NKAIN3: variants seen among roughly 807,000 people sequenced by gnomAD.
The protein encoded by NKAIN3 is sodium/potassium-transporting ATPase subunit beta-1-interacting protein 3.
In NKAIN3, 25 loss-of-function variants were observed where a neutral mutation model predicts 30.2. That is an observed-to-expected ratio of 0.83 (90% CI 0.60 to 1.16). The LOEUF (loss-of-function observed/expected upper bound fraction) is 1.16. Ranked by LOEUF, NKAIN3 falls within the 50% of genes most tolerant of loss-of-function variation. The probability of loss-of-function intolerance (pLI) is 0.00; values close to 1 mark genes in which losing one functional copy is unlikely to be tolerated. For synonymous variants in NKAIN3, 91 were observed against 89.6 expected (o/e 1.02, Z -0.09); for missense variants, 225 against 254.1 (o/e 0.89, Z 0.78).
At chr8:62,899,979 C>T (rs761492622) in intron 4 of NKAIN3, among the ~76,000 whole-genome samples, 3 of 150,200 alleles carry the variant, frequency 2.0e-5, no homozygotes, top group East Asian at 2.0e-4. Context: ...CACTATTATG[C>T]GATTCATCCA....
intron 1 of NKAIN3, among the ~76,000 whole-genome samples, chr8:62,488,134 G>A (rs1436656137): frequency 1.3e-5 from 2 of 152,128 alleles, no homozygotes; most frequent in African/African-American, 4.8e-5. Context: ...ACAGAATTCA[G>A]TGCTGCAATA....
intron 5 of NKAIN3, among the ~76,000 whole-genome samples, chr8:62,993,292 C>T (rs1804015590): frequency 6.6e-6 from 1 of 152,156 alleles, no homozygotes; most frequent in Non-Finnish European, 1.5e-5. Flanking sequence ...CTCTGCCACA[C>T]AACCTTTTAT....
At chr8:62,755,413 G>A (rs1586164354) in intron 4 of NKAIN3, among the ~76,000 whole-genome samples, 1 of 152,148 alleles carries the variant, frequency 6.6e-6, no homozygotes, top group Non-Finnish European at 1.5e-5. Flanking sequence ...TAAAAGATTG[G>A]CAAATAGTTA....
At position 62,984,843 on chromosome 8, in the gene NKAIN3, G is replaced by T. The variant is rs1052295504; in HGVS notation, c.*19436G>T. The T allele has an allele frequency of 2.0e-5, 3 of 152,156 alleles. No homozygotes were observed. The highest frequency in any genetic ancestry group is 7.2e-5 in the African/African-American group (3 of 41,442). 9.4% of individuals were successfully genotyped at this position (152,156 alleles called of 1,614,324 possible). ...CCCTTTGATTCTAAGTAAATTTACA[G>T]TAAGTTAGCAGTAATAGACTATTCT... On this transcript the variant is annotated 3_prime_UTR_variant, in exon 7 of 7. Coordinates refer to ENST00000623646, the MANE Select transcript of NKAIN3 (RefSeq NM_001304533.3).
At chr8:62,313,237 T>C (rs948807761) in intron 1 of NKAIN3, among the ~76,000 whole-genome samples, 2 of 152,172 alleles carry the variant, frequency 1.3e-5, no homozygotes, top group Non-Finnish European at 2.9e-5. Flanking sequence ...ATGTAAACCC[T>C]CTCACCCTGT....
intron 3 of NKAIN3, among the ~76,000 whole-genome samples, chr8:62,737,079 C>T (rs1419461569): frequency 6.6e-6 from 1 of 152,204 alleles, no homozygotes; most frequent in Non-Finnish European, 1.5e-5. Flanking sequence ...CAATCTGCTT[C>T]CACCAAAGGG....
At chr8:62,287,831 C>A (rs191701712) in intron 1 of NKAIN3, among the ~76,000 whole-genome samples, 49 of 152,268 alleles carry the variant, frequency 3.2e-4, no homozygotes, top group African/African-American at 1.1e-3. Context: ...CTGGTCATCT[C>A]CCTCTACTGT....
chr8:62,578,649 T>TTTTTTTG, intron 1 of NKAIN3, among the ~76,000 whole-genome samples: 2 of 114,906 alleles, frequency 1.7e-5, no homozygotes, highest in South Asian at 5.6e-4. Context: ...GGTAGAAGGT[T>TTTTTTTG]TTTTTTGTTT....
At position 62,363,683 on chromosome 8, in the gene NKAIN3, A is replaced by C. The variant is rs550047067; in HGVS notation, c.54+114556A>C. On this transcript the variant is annotated intron_variant, in intron 1 of 6. Transcript: ENST00000623646. ...AGTGCCTTAAATTGTCAGAGAAAGG[A>C]GAAATAATTTATACTTGGAGTGACT... 1.4e-3 allele frequency among the ~76,000 whole-genome samples: 210 copies of C among 152,332 alleles called. 1 individual carries two copies. Among genetic ancestry groups the C allele is most frequent in the African/African-American group, 4.9e-3 (203 of 41,576 alleles).
intron 1 of NKAIN3, among the ~76,000 whole-genome samples, chr8:62,344,232 C>G (rs1267969543): frequency 6.6e-6 from 1 of 151,986 alleles, no homozygotes; most frequent in East Asian, 1.9e-4. Flanking sequence ...CATTAAATGT[C>G]AGGTAGCCCA....
chr8:62,276,179 C>T (rs1373943680), intron 1 of NKAIN3, among the ~76,000 whole-genome samples: 5 of 152,162 alleles, frequency 3.3e-5, no homozygotes, highest in Admixed American at 3.3e-4. Flanking sequence ...GATTCTCTTG[C>T]CTCAGCCTCC....
At chr8:62,299,578 T>G (rs1366280475) in intron 1 of NKAIN3, among the ~76,000 whole-genome samples, 1 of 152,150 alleles carries the variant, frequency 6.6e-6, no homozygotes, top group Non-Finnish European at 1.5e-5. Context: ...TACCTTTTTT[T>G]CATATGAAGT....
intron 1 of NKAIN3, among the ~76,000 whole-genome samples, chr8:62,284,770 G>A (rs1813320845): frequency 6.6e-6 from 1 of 152,064 alleles, no homozygotes; most frequent in South Asian, 2.1e-4. Context: ...TGAATGTGGT[G>A]TAATTGAGAT....
At chr8:62,442,811 C>G (rs1404732303) in intron 1 of NKAIN3, among the ~76,000 whole-genome samples, 2 of 151,694 alleles carry the variant, frequency 1.3e-5, no homozygotes, top group African/African-American at 2.4e-5. Context: ...TTCCTTATTC[C>G]CCCATACCAT....
intron 5 of NKAIN3, among the ~76,000 whole-genome samples, chr8:62,945,912 A>G (rs1019350965): frequency 6.6e-6 from 1 of 152,230 alleles, no homozygotes; most frequent in Non-Finnish European, 1.5e-5. Flanking sequence ...TGAGGGGGAC[A>G]GGACAGAGTG....
At chr8:62,253,365 C>T (rs1482248422) in intron 1 of NKAIN3, among the ~76,000 whole-genome samples, 1 of 152,150 alleles carries the variant, frequency 6.6e-6, no homozygotes, top group Non-Finnish European at 1.5e-5. Flanking sequence ...TGCTTGAGTC[C>T]AGGAGTTCCA....
chr8:62,708,058 T>A (rs1224429035), intron 3 of NKAIN3, among the ~76,000 whole-genome samples: 2 of 152,086 alleles, frequency 1.3e-5, no homozygotes, highest in African/African-American at 2.4e-5. Context: ...TATTTATGGG[T>A]TCTCTATTCT....
intron 4 of NKAIN3, among the ~76,000 whole-genome samples, chr8:62,870,579 A>G (rs1422343145): frequency 7.2e-6 from 1 of 139,686 alleles, no homozygotes; most frequent in Non-Finnish European, 1.5e-5. Flanking sequence ...TACACCATAT[A>G]TAGTACATAT....
intron 4 of NKAIN3, among the ~76,000 whole-genome samples, chr8:62,747,515 C>T (rs926806686): frequency 6.6e-6 from 1 of 152,194 alleles, no homozygotes; most frequent in African/African-American, 2.4e-5. Flanking sequence ...CAGCCAATGG[C>T]TTGCTTGGTC....
Sources: gnomAD v4.1 joint callset for allele counts (sites outside exome capture counted in the v4.1 genomes callset) on GRCh38, gnomAD v4.1.1 for gene constraint, MANE v1.5 for transcripts, NCBI Gene and HGNC (gene_info 2026-07-23, HGNC 2026-07-21) for gene names.